Variants in PTPRG observed in about 807,000 individuals in gnomAD.
PTPRG encodes receptor-type tyrosine-protein phosphatase gamma.
In PTPRG, 102 loss-of-function variants were observed where a neutral mutation model predicts 165.3. That is an observed-to-expected ratio of 0.62 (90% CI 0.53 to 0.73). The LOEUF (loss-of-function observed/expected upper bound fraction) is 0.73, where lower values mean the gene tolerates loss of function less well. PTPRG is among the 30% of genes least tolerant of loss of function. The pLI, the probability that PTPRG is intolerant of heterozygous loss-of-function variation, is 0.00. For missense variants in PTPRG, 1,866 were observed against 1,861.4 expected (o/e 1.00, Z -0.05); for synonymous variants, 675 against 669.5 (o/e 1.01, Z -0.13).
chr3:62,132,611 A>C lies in PTPRG; in HGVS notation c.625A>C (p.Arg209=). ...AMAIFFQVSP[R]DNSALDPIIH... ...TTTCCTTTACATTTAGGTCAGTCCG[A>C]GGGACAATTCTGCACTGGATCCTAT... The change falls in exon 6 of 30, where the codon AGG becomes CGG. Residue 209 remains arginine (R), a synonymous_variant. Coordinates refer to ENST00000474889, the MANE Select transcript of PTPRG (RefSeq NM_002841.4). 6.2e-7 allele frequency: 1 copy of C among 1,610,410 alleles called. No individual in the cohort carries two copies. The highest frequency in any genetic ancestry group is 1.7e-5 in the Admixed American group (1 of 60,024).
intron 28 of PTPRG, among the ~76,000 whole-genome samples, chr3:62,289,698 T>TC (rs555266393): frequency 0.37 from 40,279 of 107,772 alleles, 7,173 homozygotes; most frequent in East Asian, 0.48. Context: ...CCATTCATGA[T>TC]CCCCCCCCCC....
At chr3:61,873,447 G>C (rs936890913) in intron 2 of PTPRG, among the ~76,000 whole-genome samples, 6 of 152,062 alleles carry the variant, frequency 3.9e-5, no homozygotes, top group African/African-American at 1.4e-4. Flanking sequence ...AAAAAATATA[G>C]ACATAGCAAA....
chr3:62,289,742 T>C (rs1306547685), intron 28 of PTPRG, among the ~76,000 whole-genome samples: 5 of 125,570 alleles, frequency 4.0e-5, no homozygotes, highest in Non-Finnish European at 8.0e-5. Flanking sequence ...ATAGAAAGCA[T>C]CCTCTTTACC....
chr3:62,188,155 C>G (rs57736861), intron 8 of PTPRG, among the ~76,000 whole-genome samples: 16,656 of 152,224 alleles, frequency 0.11, 1,181 homozygotes, highest in East Asian at 0.39. Flanking sequence ...GGGAGGATCA[C>G]TTGAGCCCAG....
At chr3:62,218,762 C>A in intron 12 of PTPRG, 89 bp from the exon 13 acceptor site, 1 of 1,476,932 alleles carries the variant, frequency 6.8e-7, no homozygotes, top group East Asian at 2.3e-5. Context: ...CGCCAGAAAC[C>A]ACACAAAACT....
intron 2 of PTPRG, among the ~76,000 whole-genome samples, chr3:61,933,467 G>C (rs2039411156): frequency 6.6e-6 from 1 of 152,114 alleles, no homozygotes; most frequent in Non-Finnish European, 1.5e-5. Context: ...CAGCTCAGGG[G>C]GTAAAATGAG....
intron 2 of PTPRG, among the ~76,000 whole-genome samples, chr3:61,916,408 A>G (rs965904174): frequency 6.6e-6 from 1 of 152,162 alleles, no homozygotes; most frequent in Non-Finnish European, 1.5e-5. Flanking sequence ...GATGGCACCA[A>G]AGAGACTATT....
rs575714244 is a variant in PTPRG at position 62,169,645 on chromosome 3, G to T, written c.1033+1482G>T. On this transcript the variant is annotated intron_variant, in intron 8 of 29. Transcript: ENST00000474889. ...TGATCAAAGCCCTATTACTTGGAAG[G>T]GAGGAAGGAAAAAGAAGGAATTTTC... is the stretch of plus-strand genomic sequence containing the variant. Among the ~76,000 whole-genome samples the T allele has an allele frequency of 3.3e-5, 5 of 152,222 alleles. No homozygotes were observed. The East Asian group carries it at 9.7e-4, about 29-fold the overall frequency.
intron 1 of PTPRG, among the ~76,000 whole-genome samples, chr3:61,721,214 A>G (rs184130661): frequency 2.8e-3 from 427 of 152,322 alleles, no homozygotes; most frequent in Middle Eastern, 6.8e-3. Flanking sequence ...TTACTGTTCC[A>G]GGTGGGTGAC....
chr3:62,114,681 T>C (rs1158529200), intron 5 of PTPRG, among the ~76,000 whole-genome samples: 1 of 152,184 alleles, frequency 6.6e-6, no homozygotes, highest in Non-Finnish European at 1.5e-5. Flanking sequence ...TCTTGCTCTG[T>C]CTCTGAGGCT....
At chr3:62,208,508 T>TA (rs1227002232) in intron 12 of PTPRG, among the ~76,000 whole-genome samples, 1 of 152,200 alleles carries the variant, frequency 6.6e-6, no homozygotes, top group East Asian at 1.9e-4. Flanking sequence ...GTTTACTGAC[T>TA]GCATCTTCTG....
rs377551759 is a variant in PTPRG at position 62,135,945 on chromosome 3, A to T, written c.682+3277A>T. On this transcript the variant is annotated intron_variant, in intron 6 of 29. Coordinates refer to ENST00000474889, the MANE Select transcript of PTPRG (RefSeq NM_002841.4). ...CCCACCATGTGTTGTCATTGGCTGG[A>T]GCGTCCCAGCAAGAATAGCCTGATT... Among the ~76,000 whole-genome samples the T allele has an allele frequency of 9.2e-5, 14 of 152,246 alleles. 1 individual carries two copies. The highest frequency in any genetic ancestry group is 7.7e-4 in the East Asian group (4 of 5,172).
intron 1 of PTPRG, among the ~76,000 whole-genome samples, chr3:61,730,474 C>G (rs187638141): frequency 6.6e-6 from 1 of 152,178 alleles, no homozygotes; most frequent in East Asian, 1.9e-4. Flanking sequence ...AGCGGAGGTT[C>G]ATTGTTAATG....
chr3:62,263,084 G>A, intron 17 of PTPRG, 190 bp downstream of exon 17: 2 of 516,248 alleles, frequency 3.9e-6, no homozygotes, highest in African/African-American at 2.0e-5. Flanking sequence ...CTTTCATTAG[G>A]CTGTCAGGGC....
At position 62,222,018 on chromosome 3, in the gene PTPRG, A is replaced by G. The variant is rs1019856117; in HGVS notation, c.2288+3035A>G. Among the ~76,000 whole-genome samples, 4 of 152,212 alleles carry G rather than the reference A, an allele frequency of 2.6e-5. No individual in the cohort carries two copies. Among genetic ancestry groups the G allele is most frequent in the African/African-American group, 9.6e-5 (4 of 41,462 alleles). ...CTCACAACAGATCTGTACGGTAGGTACTATCACTGTCCTTTCTATTTGACC... is the reference window on the plus strand; with the variant it reads ...CTCACAACAGATCTGTACGGTAGGTGCTATCACTGTCCTTTCTATTTGACC... On this transcript the variant is annotated intron_variant, in intron 13 of 29. Transcript: ENST00000474889. This position sits in a 1 kb window ranked among gnomAD's most constrained non-coding sequence, Gnocchi z 4.5.
Position 62,081,269 on chromosome 3 carries a change from C to T in PTPRG, c.615+3011C>T, listed in dbSNP as rs200465681. ...GAGACTCCGTCTCAAAACAAACAAA[C>T]AAACAAACAAACAAACAAACAAACA... On this transcript the variant is annotated intron_variant, in intron 5 of 29. Coordinates refer to ENST00000474889, the MANE Select transcript of PTPRG (RefSeq NM_002841.4). 2.8e-4 allele frequency among the ~76,000 whole-genome samples: 28 copies of T among 99,082 alleles called. No homozygotes were observed. In the East Asian group the frequency reaches 2.8e-3, roughly 10 times the overall value. 65.0% of individuals were successfully genotyped at this position (99,082 alleles called of 152,430 possible).
chr3:62,261,118 C>A (rs1008353744), intron 16 of PTPRG: 2 of 152,002 alleles, frequency 1.3e-5, no homozygotes, highest in African/African-American at 2.4e-5. Flanking sequence ...AAAAAAAAAT[C>A]AATAAACAAA....
chr3:61,683,581 C>T (rs1267079836), intron 1 of PTPRG, among the ~76,000 whole-genome samples: 1 of 152,188 alleles, frequency 6.6e-6, no homozygotes, highest in Non-Finnish European at 1.5e-5. Flanking sequence ...TTTTCTAAAA[C>T]CATGGTTGCA....
chr3:61,672,777 G>GA (rs1329148487), intron 1 of PTPRG, among the ~76,000 whole-genome samples: 7 of 143,636 alleles, frequency 4.9e-5, no homozygotes, highest in Admixed American at 6.8e-5. Context: ...GGGAGAGGGA[G>GA]AGAGGGAGAG....
Sources: gnomAD v4.1 joint callset for allele counts (sites outside exome capture counted in the v4.1 genomes callset) on GRCh38, gnomAD v4.1.1 for gene constraint, Gnocchi (gnomAD v3.1) non-coding constraint, MANE v1.5 for transcripts, NCBI Gene and HGNC (gene_info 2026-07-23, HGNC 2026-07-21) for gene names.